The following PRPF6 variants were observed in gnomAD, a reference collection of about 807,000 sequenced individuals.
PRPF6 encodes pre-mRNA processing factor 6.
In PRPF6, 42 loss-of-function variants were observed where a neutral mutation model predicts 118.3. The ratio of observed to expected loss-of-function variants is 0.35; its 90% CI spans 0.28 to 0.46. The LOEUF (loss-of-function observed/expected upper bound fraction) is 0.46. Among genes scored for constraint, PRPF6 ranks in the 20% least tolerant of loss-of-function variants. PRPF6 has a pLI of 1.00. For missense variants in PRPF6, 662 were observed against 1,255.7 expected, an observed-to-expected ratio of 0.53 and a Z score of 7.15; for synonymous variants, 481 against 485.1, an observed-to-expected ratio of 0.99 and a Z score of 0.11.
intron 12 of PRPF6, among the ~76,000 whole-genome samples, chr20:64,019,308 T>C (rs1044743748): frequency 6.6e-6 from 1 of 152,078 alleles, no homozygotes; most frequent in African/African-American, 2.4e-5. Flanking sequence ...GGTTTCGCCA[T>C]GTTGGCCAGG....
In PRPF6 at chr20:64,017,453, C is replaced by G. The variant is rs1414314076; in HGVS notation, c.1647+608C>G. Among the ~76,000 whole-genome samples, 24 of 126,782 alleles carry G rather than the reference C, an allele frequency of 1.9e-4. 2 individuals are homozygous for G. Among genetic ancestry groups the G allele is most frequent in the African/African-American group, 6.0e-4 (19 of 31,448 alleles). 83.2% of individuals were successfully genotyped at this position (126,782 alleles called of 152,430 possible). A position where few individuals can be genotyped will look rare whatever the true frequency, so the allele number is the denominator to read the frequency against. ...GCTGGGATCACAGGCGTGAGCCGCC[C>G]TGCCCGGCCTCCCAGAGTGCTGGGA... On this transcript the variant is annotated intron_variant, in intron 12 of 20. Coordinates refer to ENST00000266079, the MANE Select transcript of PRPF6 (RefSeq NM_012469.4).
intron 5 of PRPF6, 43 bp downstream of exon 5, chr20:63,995,135 T>G: frequency 1.2e-6 from 2 of 1,612,160 alleles, no homozygotes; most frequent in Middle Eastern, 3.3e-4. Flanking sequence ...TTTAGTCCTG[T>G]TAGATCAGTG....
intron 9 of PRPF6, among the ~76,000 whole-genome samples, chr20:64,006,055 C>T (rs1490601989): frequency 6.6e-6 from 1 of 152,194 alleles, no homozygotes; most frequent in Non-Finnish European, 1.5e-5. Flanking sequence ...TCTTTATCCC[C>T]AAAGGGTCTG....
chr20:63,992,090 TTTTTGTTTTG>T (rs555691385), intron 3 of PRPF6, among the ~76,000 whole-genome samples: 18 of 152,044 alleles, frequency 1.2e-4, no homozygotes, highest in East Asian at 1.2e-3. Context: ...TGTAGGTGTT[TTTTTGTTTTG>T]TTTTGTTTTG....
At chr20:64,022,911 T>G (rs1476420392) in intron 13 of PRPF6, 33 bp downstream of exon 13, 1 of 1,613,678 alleles carries the variant, frequency 6.2e-7, no homozygotes, top group Admixed American at 1.7e-5. Context: ...CCAAGGGTGC[T>G]AATGAAACCT....
Position 63,995,070 on chromosome 20 carries a change from C to T in PRPF6, c.593C>T (p.Thr198Ile), listed in dbSNP as rs1206345669. Residue 198 changes from threonine (T) to isoleucine (I), a missense_variant, in exon 5 of 21, where the codon ACC (threonine) becomes ATC (isoleucine). Around this residue, in one of 10 missense-constraint regions of PRPF6, gnomAD observed 97 missense variants for 122.6 expected, o/e 0.79. Transcript: ENST00000266079. Reference sequence around the variant, plus strand: ...CATTTACAGACCGGAGAGAACCATACCTCAGTGGATCCCCGACAAACTGTG... The same window carrying T: ...CATTTACAGACCGGAGAGAACCATATCTCAGTGGATCCCCGACAAACTGTG... ...AKHLQTGENH[T>I]SVDPRQTQFG... 1.9e-6 allele frequency: 3 copies of T among 1,614,014 alleles called. No homozygotes were observed. The highest frequency in any genetic ancestry group is 2.5e-6 in the Non-Finnish European group (3 of 1,180,048).
intron 9 of PRPF6, among the ~76,000 whole-genome samples, chr20:64,007,336 C>T (rs2059194613): frequency 6.6e-6 from 1 of 152,074 alleles, no homozygotes; most frequent in South Asian, 2.1e-4. Flanking sequence ...GAGCAGGTAC[C>T]TGCAGGAGAG....
At chr20:64,000,880 C>G (rs2059163553) in intron 8 of PRPF6, among the ~76,000 whole-genome samples, 197 bp from the exon 9 acceptor site, 1 of 152,144 alleles carries the variant, frequency 6.6e-6, no homozygotes, top group Non-Finnish European at 1.5e-5. Context: ...AGGTGTTCTT[C>G]AGTCAGACAT....
intron 9 of PRPF6, among the ~76,000 whole-genome samples, chr20:64,002,139 C>T (rs1184635759): frequency 6.7e-6 from 1 of 149,254 alleles, no homozygotes; most frequent in African/African-American, 2.5e-5. Flanking sequence ...CTGCCTCAGC[C>T]TCCTGAGTAG....
At chr20:63,993,330 TTTAA>T (rs2059127357) in intron 3 of PRPF6, 73 bp from the exon 4 acceptor site, 1 of 1,031,062 alleles carries the variant, frequency 9.7e-7, no homozygotes, top group Non-Finnish European at 1.5e-6. Flanking sequence ...TTTTTGGTGA[TTTAA>T]TTGAGATGGA....
intron 3 of PRPF6, 107 bp from the exon 4 acceptor site, chr20:63,993,300 C>A: frequency 3.9e-5 from 21 of 540,434 alleles, no homozygotes; most frequent in East Asian, 8.9e-5. Context: ...GATTTAGCTA[C>A]TAAGAGTATG....
intron 9 of PRPF6, among the ~76,000 whole-genome samples, chr20:64,007,728 A>G (rs890838027): frequency 2.0e-5 from 3 of 152,012 alleles, no homozygotes; most frequent in African/African-American, 7.2e-5. Context: ...CAGCCTCCCA[A>G]AATGCTGGGA....
At position 64,026,034 on chromosome 20, in the gene PRPF6, G is replaced by A. The variant is rs776014265; in HGVS notation, c.2004G>A (p.Ala668=). 14 of 1,608,016 alleles carry A rather than the reference G, an allele frequency of 8.7e-6. No homozygotes were observed. The highest frequency in any genetic ancestry group is 1.3e-5 in the African/African-American group (1 of 74,932). The part of the protein sequence containing the change: ...YERARRLLAK[A]RSSAPTARVF... ...GGGCCCGGAGGCTGCTGGCCAAGGCGCGGAGCAGTGCCCCCACCGCCCGGG... is the reference window on the plus strand; with the variant it reads ...GGGCCCGGAGGCTGCTGGCCAAGGCACGGAGCAGTGCCCCCACCGCCCGGG... The change falls in exon 15 of 21, where the codon GCG becomes GCA. Residue 668 remains alanine (A), a synonymous_variant. Transcript: ENST00000266079. The surrounding 1 kb of genome is among the most constrained non-coding windows in gnomAD (Gnocchi z 4.4).
rs370288680 is a variant in PRPF6 at position 63,983,032 on chromosome 20, G to C, written c.72-15G>C. 28 of 1,613,498 alleles carry C rather than the reference G, an allele frequency of 1.7e-5. No homozygotes were observed. The East Asian group carries it at 6.2e-4, about 36-fold the overall frequency. On this transcript the variant is annotated splice_polypyrimidine_tract_variant and intron_variant, in intron 1 of 20. Coordinates refer to ENST00000266079, the MANE Select transcript of PRPF6 (RefSeq NM_012469.4). ...GAGTTATTCAGACACCCGGTGTCTT[G>C]GGGGTCTCCTGCAGCGCCACTGGCT...
At chr20:63,993,585 G>A (rs956513450) in intron 4 of PRPF6, 100 bp downstream of exon 4, 13 of 999,250 alleles carry the variant, frequency 1.3e-5, no homozygotes, top group East Asian at 2.6e-5. Context: ...GAGACTTTAC[G>A]TTTTTAATTT....
intron 6 of PRPF6, among the ~76,000 whole-genome samples, chr20:63,998,261 A>G (rs2059150024): frequency 6.7e-6 from 1 of 150,006 alleles, no homozygotes. Context: ...CGCCTGGCTA[A>G]TTTTTGTATT....
intron 6 of PRPF6, among the ~76,000 whole-genome samples, chr20:63,997,519 T>G (rs1349326657): frequency 6.7e-6 from 1 of 150,186 alleles, no homozygotes; most frequent in African/African-American, 2.5e-5. Flanking sequence ...TGCAGTGGTG[T>G]GATCTCGGCT....
rs952769993 is a variant in PRPF6, at chr20:63,993,019, C to G, written c.360-388C>G. ...GATCACAAGGTCAGGAGTTCGAGAA[C>G]AGCCTGGCCAGGATGGTGAAACCCC... On this transcript the variant is annotated intron_variant, in intron 3 of 20. Coordinates refer to ENST00000266079, the MANE Select transcript of PRPF6 (RefSeq NM_012469.4). 4.6e-5 allele frequency among the ~76,000 whole-genome samples: 7 copies of G among 152,088 alleles called. No individual in the cohort carries two copies. The South Asian group carries it at 8.3e-4, about 18-fold the overall frequency.
At chr20:64,020,785 ATTTTT>A (rs10670252) in intron 12 of PRPF6, among the ~76,000 whole-genome samples, 2 of 134,168 alleles carry the variant, frequency 1.5e-5, no homozygotes, top group Non-Finnish European at 3.1e-5. Context: ...ACTATACCTA[ATTTTT>A]TTTTTTTTTT....
Sources: allele counts gnomAD v4.1 joint callset (sites outside exome capture counted in the v4.1 genomes callset), GRCh38; gene constraint gnomAD v4.1.1; regional missense constraint gnomAD v4.1.1; non-coding constraint Gnocchi (gnomAD v3.1); transcripts MANE v1.5; gene names NCBI Gene and HGNC (gene_info 2026-07-23, HGNC 2026-07-21).